CTNND2: variants seen among roughly 807,000 people sequenced by gnomAD.
CTNND2 encodes catenin delta-2.
CTNND2 carries 22 observed loss-of-function variants against 144.4 expected under a neutral mutation model. That is an observed-to-expected ratio of 0.15 (90% confidence interval 0.11 to 0.22). The LOEUF is 0.22. Ranked by LOEUF, CTNND2 falls within the 10% of genes least tolerant of loss-of-function variation. The pLI is 1.00. For missense variants in CTNND2, 1,353 were observed against 1,618.8 expected, an observed-to-expected ratio of 0.84 and a Z score of 2.82; for synonymous variants, 751 against 695.6, an observed-to-expected ratio of 1.08 and a Z score of -1.25.
intron 2 of CTNND2, among the ~76,000 whole-genome samples, chr5:11,626,984 G>A (rs541036637): frequency 1.3e-5 from 2 of 151,940 alleles, no homozygotes; most frequent in African/African-American, 4.8e-5. Flanking sequence ...ATCTATTTTC[G>A]CCTGCCAGGT....
chr5:11,398,230 C>T (rs1285582484), intron 5 of CTNND2, among the ~76,000 whole-genome samples: 2 of 152,054 alleles, frequency 1.3e-5, no homozygotes, highest in Non-Finnish European at 2.9e-5. Context: ...ATTCTTGATC[C>T]CCCTCTTTGG....
intron 9 of CTNND2, among the ~76,000 whole-genome samples, chr5:11,285,776 C>T (rs576798807): frequency 1.9e-5 from 2 of 107,918 alleles, no homozygotes; most frequent in African/African-American, 7.0e-5. Context: ...CCCAGGAGGC[C>T]TTTCCTGCTA....
At chr5:11,680,619 A>G (rs1405724518) in intron 2 of CTNND2, among the ~76,000 whole-genome samples, 1 of 152,196 alleles carries the variant, frequency 6.6e-6, no homozygotes, top group African/African-American at 2.4e-5. Flanking sequence ...GTGCACTTAA[A>G]ACAACCAAAA....
intron 2 of CTNND2, chr5:11,588,673 A>C (rs181743019): frequency 9.2e-6 from 7 of 760,260 alleles, no homozygotes; most frequent in Non-Finnish European, 1.1e-5. Context: ...TCACAAAAAC[A>C]ACATTCATAA....
intron 3 of CTNND2, among the ~76,000 whole-genome samples, chr5:11,460,197 C>G (rs971509486): frequency 3.3e-5 from 5 of 152,158 alleles, no homozygotes; most frequent in Admixed American, 3.3e-4. Flanking sequence ...AATATGTGCC[C>G]ACAACCCCAC....
intron 16 of CTNND2, among the ~76,000 whole-genome samples, chr5:11,043,451 G>C (rs1445374565): frequency 6.6e-6 from 1 of 151,922 alleles, no homozygotes; most frequent in Non-Finnish European, 1.5e-5. Flanking sequence ...TAAAACTTTG[G>C]TAGTTGTATT....
intron 1 of CTNND2, among the ~76,000 whole-genome samples, chr5:11,850,216 C>T (rs1794950204): frequency 6.6e-6 from 1 of 152,092 alleles, no homozygotes; most frequent in African/African-American, 2.4e-5. Context: ...GGCACATGAA[C>T]ACCATCATGG....
At chr5:11,853,134 G>A (rs137964385) in intron 1 of CTNND2, among the ~76,000 whole-genome samples, 2 of 152,240 alleles carry the variant, frequency 1.3e-5, no homozygotes, top group Non-Finnish European at 2.9e-5. Context: ...TCTTGTGCTA[G>A]GGAAAACTCA....
At chr5:11,713,205 GT>G (rs559532092) in intron 2 of CTNND2, among the ~76,000 whole-genome samples, 63 of 152,246 alleles carry the variant, frequency 4.1e-4, no homozygotes, top group Non-Finnish European at 8.1e-4. Flanking sequence ...ATTTGTTTTT[GT>G]TGTTAATATT....
At chr5:11,391,797 C>T (rs1391154364) in intron 6 of CTNND2, among the ~76,000 whole-genome samples, 1 of 152,164 alleles carries the variant, frequency 6.6e-6, no homozygotes, top group Non-Finnish European at 1.5e-5. Flanking sequence ...AAGTCATCAC[C>T]ACTGGGATCA....
intron 3 of CTNND2, among the ~76,000 whole-genome samples, chr5:11,551,108 C>T (rs542822082): frequency 6.6e-6 from 1 of 152,282 alleles, no homozygotes; most frequent in African/African-American, 2.4e-5. Context: ...CTATTGCCTA[C>T]TCAGCAACGT....
intron 10 of CTNND2, among the ~76,000 whole-genome samples, chr5:11,232,889 T>C (rs992935726): frequency 3.3e-5 from 5 of 152,296 alleles, no homozygotes; most frequent in African/African-American, 4.8e-5. Context: ...GTGGAGGTAA[T>C]TGGATCATGT....
At chr5:11,144,957 G>C (rs1757106300) in intron 12 of CTNND2, among the ~76,000 whole-genome samples, 1 of 152,058 alleles carries the variant, frequency 6.6e-6, no homozygotes, top group African/African-American at 2.4e-5. Flanking sequence ...AGCAGAGACA[G>C]TGGTCTTGAG....
chr5:11,693,659 C>T (rs544231808), intron 2 of CTNND2, among the ~76,000 whole-genome samples: 40 of 152,262 alleles, frequency 2.6e-4, no homozygotes, highest in African/African-American at 9.4e-4. Context: ...GCCTGTCATA[C>T]AGAAATGCTC....
At chr5:11,757,198 C>T (rs1788996371) in intron 1 of CTNND2, among the ~76,000 whole-genome samples, 1 of 151,510 alleles carries the variant, frequency 6.6e-6, no homozygotes, top group African/African-American at 2.4e-5. Flanking sequence ...TACACACACA[C>T]ACACATAACA....
At chr5:11,363,067 A>G (rs936761123) in intron 8 of CTNND2, among the ~76,000 whole-genome samples, 1 of 152,224 alleles carries the variant, frequency 6.6e-6, no homozygotes, top group African/African-American at 2.4e-5. Flanking sequence ...TCATTTAAAA[A>G]TGCAGTCATC....
intron 9 of CTNND2, among the ~76,000 whole-genome samples, chr5:11,275,571 T>G (rs1746442020): frequency 6.6e-6 from 1 of 152,224 alleles, no homozygotes; most frequent in African/African-American, 2.4e-5. Flanking sequence ...GTTGCTCTGT[T>G]AATGAATGAG....
chr5:11,745,995 C>T (rs1788288560), intron 1 of CTNND2, among the ~76,000 whole-genome samples: 3 of 152,076 alleles, frequency 2.0e-5, no homozygotes, highest in Admixed American at 2.0e-4. Flanking sequence ...GCTAGTGTCA[C>T]CCACTAAATT....
Position 11,295,580 on chromosome 5 carries a change from A to C in CTNND2, c.1628+50792T>G, listed in dbSNP as rs374829631. On this transcript the variant is annotated intron_variant, in intron 9 of 21. Coordinates refer to ENST00000304623, the MANE Select transcript of CTNND2 (RefSeq NM_001332.4). ...AGGCATCACGCTACCTGACTTCAAA[A>C]TATACTACAAGGCTACAGTAACCAA... 4.6e-3 allele frequency among the ~76,000 whole-genome samples: 695 copies of C among 152,212 alleles called. 2 individuals carry two copies. Among genetic ancestry groups the C allele is most frequent in the African/African-American group, 0.016 (655 of 41,534 alleles).
Sources: allele counts gnomAD v4.1 joint callset (sites outside exome capture counted in the v4.1 genomes callset), GRCh38; gene constraint gnomAD v4.1.1; transcripts MANE v1.5; gene names NCBI Gene and HGNC (gene_info 2026-07-23, HGNC 2026-07-21).